The following XRN1 variants were observed in gnomAD, a reference collection of about 807,000 sequenced individuals.
XRN1 encodes 5'-3' exoribonuclease 1, also known as strand-exchange protein 1 homolog.
A neutral mutation model predicts 222.3 loss-of-function variants in XRN1; 67 were observed. The observed-to-expected ratio is 0.30, with a 90% CI of 0.25 to 0.37. The LOEUF is 0.37. Ranked by LOEUF, XRN1 falls within the 10% of genes least tolerant of loss-of-function variation. XRN1 has a pLI of 1.00. For missense variants in XRN1, 1,707 were observed against 2,000.2 expected, an observed-to-expected ratio of 0.85 and a Z score of 2.80; for synonymous variants, 643 against 652.4, an observed-to-expected ratio of 0.99 and a Z score of 0.22.
chr3:142,427,763 C>A (rs149833937), intron 2 of XRN1, among the ~76,000 whole-genome samples: 50 of 152,332 alleles, frequency 3.3e-4, no homozygotes, highest in African/African-American at 1.0e-3. Flanking sequence ...GGGTGTCCTA[C>A]TACCTGCCTG....
intron 29 of XRN1, among the ~76,000 whole-genome samples, 165 bp from the exon 30 acceptor site, chr3:142,360,096 T>A (rs1405274193): frequency 6.6e-6 from 1 of 152,182 alleles, no homozygotes; most frequent in Non-Finnish European, 1.5e-5. Context: ...GAACATTATA[T>A]AAGCTAAGAA....
At chr3:142,418,993 T>A (rs1363705230) in intron 10 of XRN1, 112 bp from the exon 11 acceptor site, 1 of 914,566 alleles carries the variant, frequency 1.1e-6, no homozygotes, top group African/African-American at 1.6e-5. Flanking sequence ...TGTTATAACA[T>A]CCTTCATATC....
chr3:142,332,664 G>T, intron 35 of XRN1, 130 bp from the exon 36 acceptor site: 2 of 873,142 alleles, frequency 2.3e-6, no homozygotes, highest in South Asian at 2.9e-5. Context: ...ACTACATTCA[G>T]ATAGAAACTG....
intron 39 of XRN1, among the ~76,000 whole-genome samples, chr3:142,317,976 T>C (rs1264192322): frequency 6.6e-6 from 1 of 152,210 alleles, no homozygotes; most frequent in African/African-American, 2.4e-5. Flanking sequence ...TCCTTTATTA[T>C]TCAGTTTAAT....
At chr3:142,372,144 C>T (rs1051467416) in intron 25 of XRN1, among the ~76,000 whole-genome samples, 3 of 152,126 alleles carry the variant, frequency 2.0e-5, no homozygotes, top group Admixed American at 1.3e-4. Context: ...CTGCCTACCA[C>T]CCCAGCATAT....
In XRN1 at chr3:142,445,562, T is replaced by C. The variant is rs947990436; in HGVS notation, c.75+2308A>G. Among the ~76,000 whole-genome samples the C allele has an allele frequency of 2.1e-4, 32 of 152,182 alleles. 1 individual carries two copies. The highest frequency in any genetic ancestry group is 2.9e-5 in the Non-Finnish European group (2 of 68,032). On this transcript the variant is annotated intron_variant, in intron 1 of 40. Transcript: ENST00000392981. ...TTCTGGGTAGTGTTAAAAAATACAG[T>C]GGTTTGCTTTGTGGTTTGTTTTCTA...
At chr3:142,349,137 A>G (rs2066236077) in intron 32 of XRN1, among the ~76,000 whole-genome samples, 2 of 148,006 alleles carry the variant, frequency 1.4e-5, no homozygotes, top group Admixed American at 6.7e-5. Context: ...ATTGTTTTGT[A>G]GAGATGGGAT....
At chr3:142,340,433 A>G (rs1273980635) in intron 33 of XRN1, among the ~76,000 whole-genome samples, 3 of 151,682 alleles carry the variant, frequency 2.0e-5, no homozygotes, top group Non-Finnish European at 4.4e-5. Context: ...GATCTAGAAA[A>G]CAGCCTCAAA....
chr3:142,447,752 A>G lies in XRN1; in HGVS notation c.75+118T>C. 11 of 1,208,108 alleles carry G rather than the reference A, an allele frequency of 9.1e-6. No individual in the cohort carries two copies. The highest frequency in any genetic ancestry group is 1.3e-5 in the Non-Finnish European group (11 of 851,220). 74.8% of individuals were successfully genotyped at this position (1,208,108 alleles called of 1,614,324 possible). ...ACCTTCCGTCCCCCTCCCTAATGCC[A>G]CTAATCGTCCAGACGACGAGGGGAA... is the stretch of plus-strand genomic sequence containing the variant. On this transcript the variant is annotated intron_variant, in intron 1 of 40. Coordinates refer to ENST00000392981, the MANE Select transcript of XRN1 (RefSeq NM_001282857.2). The surrounding 1 kb of genome is among the most constrained non-coding windows in gnomAD (Gnocchi z 4.2).
intron 25 of XRN1, among the ~76,000 whole-genome samples, chr3:142,372,122 T>A (rs1181689709): frequency 6.6e-6 from 1 of 152,130 alleles, no homozygotes; most frequent in Non-Finnish European, 1.5e-5. Context: ...AGTTATACTG[T>A]CATGTGGTTG....
intron 25 of XRN1, among the ~76,000 whole-genome samples, chr3:142,374,466 A>G (rs2067081756): frequency 6.6e-6 from 1 of 152,252 alleles, no homozygotes; most frequent in Admixed American, 6.5e-5. Flanking sequence ...AATGTGTACA[A>G]GAAATAAAAT....
intron 36 of XRN1, among the ~76,000 whole-genome samples, chr3:142,331,886 C>A (rs1174718893): frequency 6.6e-6 from 1 of 151,996 alleles, no homozygotes; most frequent in Non-Finnish European, 1.5e-5. Context: ...GCAATCCTAC[C>A]ACGTCAGCCT....
chr3:142,396,684 A>G (rs940708220), intron 20 of XRN1, among the ~76,000 whole-genome samples: 5 of 152,200 alleles, frequency 3.3e-5, no homozygotes, highest in African/African-American at 1.2e-4. Context: ...ATTCTCCGAA[A>G]GCTTATCCAT....
chr3:142,384,318 C>G (rs1299313461), intron 21 of XRN1, among the ~76,000 whole-genome samples: 2 of 147,792 alleles, frequency 1.4e-5, no homozygotes, highest in African/African-American at 5.1e-5. Context: ...GCATAAAAGA[C>G]AAGTTTCCTA....
At chr3:142,385,155 A>G (rs549961020) in intron 20 of XRN1, among the ~76,000 whole-genome samples, 223 of 152,316 alleles carry the variant, frequency 1.5e-3, no homozygotes, top group African/African-American at 4.5e-3. Flanking sequence ...AGGTACTCAA[A>G]CAAATATTGA....
intron 33 of XRN1, among the ~76,000 whole-genome samples, chr3:142,336,689 C>T (rs944679344): frequency 6.6e-6 from 1 of 151,912 alleles, no homozygotes; most frequent in East Asian, 1.9e-4. Context: ...AGAAAGTAAT[C>T]TTACAAAACA....
intron 15 of XRN1, 46 bp from the exon 16 acceptor site, chr3:142,405,122 A>G (rs1398505100): frequency 6.4e-7 from 1 of 1,572,972 alleles, no homozygotes; most frequent in South Asian, 1.1e-5. Flanking sequence ...TAAAAATTCC[A>G]TAATCTCAAC....
intron 34 of XRN1, among the ~76,000 whole-genome samples, chr3:142,335,084 G>A (rs375536475): frequency 6.6e-6 from 1 of 151,488 alleles, no homozygotes; most frequent in African/African-American, 2.4e-5. Flanking sequence ...CAGGTGATCC[G>A]CCCACCTTGG....
intron 36 of XRN1, among the ~76,000 whole-genome samples, chr3:142,330,596 T>G (rs7429175): frequency 0.18 from 26,129 of 145,612 alleles, 2,287 homozygotes; most frequent in Middle Eastern, 0.27. Flanking sequence ...CCTATGAGTT[T>G]TTTTTTTTTT....
Sources: allele counts gnomAD v4.1 joint callset (sites outside exome capture counted in the v4.1 genomes callset), GRCh38; gene constraint gnomAD v4.1.1; non-coding constraint Gnocchi (gnomAD v3.1); transcripts MANE v1.5; gene names NCBI Gene and HGNC (gene_info 2026-07-23, HGNC 2026-07-21).